The following R3HDM2 variants were observed in gnomAD, a reference collection of about 807,000 sequenced individuals.
R3HDM2 encodes the protein R3H domain-containing protein 2.
Under a neutral mutation model 124.5 loss-of-function variants are expected in R3HDM2, and 38 were observed. The ratio of observed to expected loss-of-function variants is 0.31; its 90% CI spans 0.24 to 0.40. R3HDM2 has a LOEUF of 0.40. R3HDM2 is among the 10% of genes least tolerant of loss of function. The pLI is 1.00. For missense variants in R3HDM2, 869 were observed against 1,236.9 expected (o/e 0.70, Z 4.46); for synonymous variants, 391 against 448.0 (o/e 0.87, Z 1.61).
chr12:57,356,849 G>A (rs1424402119), intron 2 of R3HDM2, among the ~76,000 whole-genome samples: 1 of 152,186 alleles, frequency 6.6e-6, no homozygotes, highest in Non-Finnish European at 1.5e-5. Flanking sequence ...GGTAGCTCAC[G>A]CCTGTAATCC....
chr12:57,373,002 AGATT>A (rs2063562830), intron 2 of R3HDM2, among the ~76,000 whole-genome samples: 1 of 152,188 alleles, frequency 6.6e-6, no homozygotes, highest in African/African-American at 2.4e-5. Context: ...TGAGGCCAGG[AGATT>A]GATACTAGCC....
intron 12 of R3HDM2, among the ~76,000 whole-genome samples, chr12:57,285,033 A>G (rs2047014437): frequency 6.6e-6 from 1 of 152,148 alleles, no homozygotes; most frequent in African/African-American, 2.4e-5. Flanking sequence ...CATCCCCAAC[A>G]ACTAATGACC....
At chr12:57,299,093 A>G (rs2050536651) in intron 6 of R3HDM2, among the ~76,000 whole-genome samples, 1 of 152,268 alleles carries the variant, frequency 6.6e-6, no homozygotes, top group African/African-American at 2.4e-5. Context: ...CCAGAGCACA[A>G]GTAAAATCAG....
At position 57,254,544 on chromosome 12, in the gene R3HDM2, G is replaced by T; in HGVS notation, c.*229C>A. The T allele has an allele frequency of 2.0e-6, 1 of 488,404 alleles. No individual in the cohort carries two copies. Among genetic ancestry groups the T allele is most frequent in the Non-Finnish European group, 3.6e-6 (1 of 279,644 alleles). The allele number at this position is 488,404 out of a possible 1,614,324, so 30.3% of individuals were successfully genotyped here. A position where few individuals can be genotyped will look rare whatever the true frequency, so the allele number is the denominator to read the frequency against. On this transcript the variant is annotated 3_prime_UTR_variant, in exon 24 of 24. Transcript: ENST00000402412. ...AAAAAAGAAGAGGATGGGAAGAAGA[G>T]TGATGCAAGGGGGGTCAACCAGGGA...
intron 2 of R3HDM2, among the ~76,000 whole-genome samples, chr12:57,311,223 T>TTATA (rs906914579): frequency 6.7e-5 from 10 of 149,278 alleles, no homozygotes; most frequent in Admixed American, 2.0e-4. Flanking sequence ...CTATAAAATC[T>TTATA]TATATATATA....
At chr12:57,319,686 C>T (rs987335763) in intron 2 of R3HDM2, among the ~76,000 whole-genome samples, 1 of 152,068 alleles carries the variant, frequency 6.6e-6, no homozygotes, top group African/African-American at 2.4e-5. Context: ...GTCTCCTTAC[C>T]ATTTTCTTCT....
chr12:57,426,669 TAA>T (rs2070767860), intron 1 of R3HDM2, among the ~76,000 whole-genome samples: 1 of 152,148 alleles, frequency 6.6e-6, no homozygotes, highest in Admixed American at 6.6e-5. Flanking sequence ...AAATCTGAGA[TAA>T]GACTACCAAT....
intron 2 of R3HDM2, among the ~76,000 whole-genome samples, chr12:57,364,041 A>C (rs561593899): frequency 3.9e-5 from 6 of 152,196 alleles, no homozygotes; most frequent in African/African-American, 1.4e-4. Flanking sequence ...ATGTTATCAG[A>C]ATCATTAGCT....
chr12:57,375,007 A>T (rs1167883238), intron 2 of R3HDM2, among the ~76,000 whole-genome samples: 1 of 151,006 alleles, frequency 6.6e-6, no homozygotes, highest in East Asian at 1.9e-4. Flanking sequence ...AAAAAAAAAT[A>T]AATAAATAAA....
chr12:57,270,210 T>C (rs2043276777), intron 14 of R3HDM2, among the ~76,000 whole-genome samples: 1 of 152,084 alleles, frequency 6.6e-6, no homozygotes, highest in African/African-American at 2.4e-5. Context: ...ATGGTGACCC[T>C]GATTATAATT....
chr12:57,349,328 C>T (rs1315298638), intron 2 of R3HDM2, among the ~76,000 whole-genome samples: 15 of 130,526 alleles, frequency 1.1e-4, no homozygotes, highest in Middle Eastern at 4.4e-3. Context: ...TGCAGTGAGC[C>T]GAGATCTCGC....
In R3HDM2 at chr12:57,389,365, C is replaced by T. The variant is rs143775674; in HGVS notation, c.-36+6384G>A. Among the ~76,000 whole-genome samples, 368 of 152,342 alleles carry T rather than the reference C, an allele frequency of 2.4e-3. 1 individual carries two copies. The highest frequency in any genetic ancestry group is 6.3e-3 in the Admixed American group (96 of 15,306). On this transcript the variant is annotated intron_variant, in intron 2 of 23. Transcript: ENST00000402412. Reference sequence around the variant, plus strand: ...TCTACTGGTAAGACGAGCACAGAGGCAGCTCTATTCCAAAGGTGGTTCTAG... The same window carrying T: ...TCTACTGGTAAGACGAGCACAGAGGTAGCTCTATTCCAAAGGTGGTTCTAG...
intron 14 of R3HDM2, among the ~76,000 whole-genome samples, chr12:57,279,476 C>T (rs923561834): frequency 6.6e-6 from 1 of 150,388 alleles, no homozygotes; most frequent in African/African-American, 2.4e-5. Context: ...AGCAACCATG[C>T]CTGGCCTTAA....
intron 22 of R3HDM2, 112 bp from the exon 23 acceptor site, chr12:57,256,186 C>G (rs528833713): frequency 1.8e-6 from 2 of 1,109,662 alleles, no homozygotes; most frequent in Non-Finnish European, 2.7e-6. Context: ...GACCCCACCC[C>G]ACTAGGCAGT....
intron 2 of R3HDM2, among the ~76,000 whole-genome samples, chr12:57,340,081 T>C (rs1234982971): frequency 1.3e-5 from 2 of 152,204 alleles, no homozygotes; most frequent in Admixed American, 1.3e-4. Flanking sequence ...CACTCCCAGT[T>C]GAAATAAAAA....
chr12:57,402,443 G>A (rs546478095), intron 1 of R3HDM2, among the ~76,000 whole-genome samples: 2 of 152,066 alleles, frequency 1.3e-5, no homozygotes, highest in African/African-American at 4.8e-5. Context: ...CCACCTCCTG[G>A]GTTCAAGAAA....
chr12:57,255,468 C>G (rs2038674300), intron 23 of R3HDM2, among the ~76,000 whole-genome samples: 1 of 152,156 alleles, frequency 6.6e-6, no homozygotes, highest in African/African-American at 2.4e-5. Context: ...AATAATGTAT[C>G]AATCTGAAAT....
chr12:57,411,423 T>C (rs905628507), intron 1 of R3HDM2, among the ~76,000 whole-genome samples: 33 of 152,288 alleles, frequency 2.2e-4, no homozygotes, highest in African/African-American at 7.7e-4. Context: ...CTCAGCCTCC[T>C]AAAGTGTTGG....
In R3HDM2 at chr12:57,388,364, C is replaced by G. The variant is rs573530564; in HGVS notation, c.-36+7385G>C. 7.2e-5 allele frequency among the ~76,000 whole-genome samples: 11 copies of G among 152,284 alleles called. No individual in the cohort carries two copies. The East Asian group carries it at 2.1e-3, about 29-fold the overall frequency. On this transcript the variant is annotated intron_variant, in intron 2 of 23. Coordinates refer to ENST00000402412, the MANE Select transcript of R3HDM2 (RefSeq NM_001394031.1). ...AGGCAGTAAAAAGAATTTACCAAGA[C>G]AGTTGTAGGTAAAGAAAGGCATATT...
Sources: gnomAD v4.1 joint callset for allele counts (sites outside exome capture counted in the v4.1 genomes callset) on GRCh38, gnomAD v4.1.1 for gene constraint, MANE v1.5 for transcripts, NCBI Gene and HGNC (gene_info 2026-07-23, HGNC 2026-07-21) for gene names.